LRRC37A2: variants seen among roughly 807,000 people sequenced by gnomAD.
The protein encoded by LRRC37A2 is leucine rich repeat containing 37 member A2.
Under a neutral mutation model 68.8 loss-of-function variants are expected in LRRC37A2, and 9 were observed. The ratio of observed to expected loss-of-function variants is 0.13; its 90% CI spans 0.08 to 0.23. The LOEUF (loss-of-function observed/expected upper bound fraction) is 0.23. Among genes scored for constraint, LRRC37A2 ranks in the 10% least tolerant of loss-of-function variants. The probability of loss-of-function intolerance (pLI) is 1.00; values close to 1 mark genes in which losing one functional copy is unlikely to be tolerated. For missense variants in LRRC37A2, 168 were observed against 950.4 expected (o/e 0.18, Z 10.82); for synonymous variants, 63 against 367.6 (o/e 0.17, Z 9.48).
At chr17:46,739,945 C>T in the LRRC37A2 span, among the ~76,000 whole-genome samples, 2 of 152,140 alleles carry the variant, frequency 1.3e-5, no homozygotes, top group Non-Finnish European at 2.9e-5. Context: ...AGTGATCCGC[C>T]CTCCTCAGCC....
At chr17:46,781,412 CAA>C in the LRRC37A2 span, among the ~76,000 whole-genome samples, 6 of 111,826 alleles carry the variant, frequency 5.4e-5, no homozygotes, top group African/African-American at 1.3e-4. Flanking sequence ...GACTCTGTCT[CAA>C]AAAAAAAAAA....
the LRRC37A2 span, among the ~76,000 whole-genome samples, chr17:46,750,825 A>G: frequency 6.6e-6 from 1 of 151,998 alleles, no homozygotes; most frequent in East Asian, 1.9e-4. Context: ...TGGAACAATG[A>G]TTAAAGCCTT....
At chr17:46,822,788 G>A in the LRRC37A2 span, among the ~76,000 whole-genome samples, 1 of 152,050 alleles carries the variant, frequency 6.6e-6, no homozygotes, top group Non-Finnish European at 1.5e-5. Context: ...CCGGTCCAGG[G>A]CGCACTGGGG....
chr17:46,497,547 T>C, the LRRC37A2 span, among the ~76,000 whole-genome samples: 2 of 148,788 alleles, frequency 1.3e-5, no homozygotes, highest in Non-Finnish European at 1.5e-5. Context: ...GTAAAAGTAT[T>C]GCAAACATAT....
the LRRC37A2 span, among the ~76,000 whole-genome samples, chr17:46,927,966 T>C: frequency 1.8e-4 from 28 of 152,266 alleles, no homozygotes; most frequent in African/African-American, 6.3e-4. Flanking sequence ...GAGTCCTAAT[T>C]CTCCTTTCTG....
chr17:46,973,618 C>T, the LRRC37A2 span, among the ~76,000 whole-genome samples: 8 of 152,142 alleles, frequency 5.3e-5, 1 homozygote, highest in African/African-American at 1.4e-4. Flanking sequence ...CAGAACACCC[C>T]GCAATGCTGT....
At chr17:46,967,773 G>A in the LRRC37A2 span, among the ~76,000 whole-genome samples, 1 of 152,172 alleles carries the variant, frequency 6.6e-6, no homozygotes, top group Non-Finnish European at 1.5e-5. Context: ...GCAACATGGT[G>A]CCACCTGTGT....
the LRRC37A2 span, chr17:46,966,691 C>A: frequency 1.9e-6 from 1 of 521,650 alleles, no homozygotes; most frequent in East Asian, 3.2e-5. Context: ...AACTCTGGTT[C>A]TATCAACTAT....
chr17:46,897,694 T>G, the LRRC37A2 span, among the ~76,000 whole-genome samples: 1 of 152,138 alleles, frequency 6.6e-6, no homozygotes, highest in East Asian at 1.9e-4. Context: ...ACCGTCATGT[T>G]GCCTAGGCTG....
chr17:46,875,394 G>A, the LRRC37A2 span: 2 of 1,563,406 alleles, frequency 1.3e-6, no homozygotes, highest in South Asian at 2.4e-5. Flanking sequence ...TGCCCGCAGT[G>A]CCTTCCCACC....
the LRRC37A2 span, chr17:46,833,543 C>T: frequency 4.6e-5 from 19 of 410,282 alleles, no homozygotes; most frequent in Admixed American, 3.5e-4. Context: ...TGCTGGAGGC[C>T]GACCTGAGCT....
chr17:46,502,951 G>A, the LRRC37A2 span, among the ~76,000 whole-genome samples: 2 of 150,684 alleles, frequency 1.3e-5, no homozygotes, highest in South Asian at 2.1e-4. Context: ...GGTGGCTCAC[G>A]CCTGTAATCC....
the LRRC37A2 span, among the ~76,000 whole-genome samples, chr17:46,823,073 T>C: frequency 5.3e-5 from 7 of 130,986 alleles, no homozygotes; most frequent in East Asian, 5.7e-4. Flanking sequence ...ATAATAAATA[T>C]GTATTTATAA....
chr17:46,928,627 G>T, the LRRC37A2 span, among the ~76,000 whole-genome samples: 1 of 152,170 alleles, frequency 6.6e-6, no homozygotes, highest in Non-Finnish European at 1.5e-5. Flanking sequence ...TGAGATGGCA[G>T]TTCCTTCGTT....
the LRRC37A2 span, among the ~76,000 whole-genome samples, chr17:47,009,483 T>C: frequency 1.4e-4 from 22 of 152,096 alleles, no homozygotes; most frequent in African/African-American, 5.3e-4. Flanking sequence ...GTCCCTCTGG[T>C]CCCCCTTTGA....
chr17:46,905,002 C>G, the LRRC37A2 span, among the ~76,000 whole-genome samples: 1 of 152,102 alleles, frequency 6.6e-6, no homozygotes, highest in East Asian at 1.9e-4. Flanking sequence ...AGCAGGTCTC[C>G]GCTTGTTCCA....
chr17:46,871,431 A>G, the LRRC37A2 span, among the ~76,000 whole-genome samples: 9 of 152,194 alleles, frequency 5.9e-5, no homozygotes, highest in Non-Finnish European at 1.3e-4. Context: ...CTGTTGTATG[A>G]CCAGTCCAGT....
At chr17:46,936,421 A>C in the LRRC37A2 span, 1 of 985,322 alleles carries the variant, frequency 1.0e-6, no homozygotes, top group Non-Finnish European at 1.2e-6. Context: ...ACCAGAGGGG[A>C]AGGCTGTGAG....
the LRRC37A2 span, chr17:46,936,068 G>T: frequency 1.0e-6 from 1 of 985,850 alleles, no homozygotes; most frequent in Non-Finnish European, 1.2e-6. Context: ...GGGGGAGAGG[G>T]TCAGGCAAGC....
Sources: gnomAD v4.1 joint callset for allele counts (sites outside exome capture counted in the v4.1 genomes callset) on GRCh38, gnomAD v4.1.1 for gene constraint, MANE v1.5 for transcripts, NCBI Gene and HGNC (gene_info 2026-07-23, HGNC 2026-07-21) for gene names.